Variants in MRM2 observed in about 807,000 individuals in gnomAD.
MRM2 encodes rRNA methyltransferase 2, mitochondrial.
In MRM2, 15 loss-of-function variants were observed where a neutral mutation model predicts 10.9. That is an observed-to-expected ratio of 1.37 (90% CI 0.92 to 2.11). The LOEUF is 2.11. MRM2 is among the 30% of genes most tolerant of loss of function. MRM2 has a pLI of 0.00. For synonymous variants in MRM2, 139 were observed against 128.7 expected, an observed-to-expected ratio of 1.08 and a Z score of -0.54; for missense variants, 328 against 321.3, an observed-to-expected ratio of 1.02 and a Z score of -0.16.
At chr7:2,239,313 C>T (rs1794477411) in intron 2 of MRM2, 105 bp downstream of exon 2, 1 of 1,169,624 alleles carries the variant, frequency 8.5e-7, no homozygotes, top group Non-Finnish European at 1.3e-6. Context: ...CACACGCCTT[C>T]AAAAAAGGGC....
intron 2 of MRM2, 33 bp downstream of exon 2, chr7:2,239,385 C>A (rs780816237): frequency 1.3e-6 from 2 of 1,576,694 alleles, no homozygotes; most frequent in African/African-American, 1.3e-5. Context: ...CTCAGGGGAG[C>A]CAGAAGGTGC....
chr7:2,239,201 G>A, intron 2 of MRM2: 1 of 784,804 alleles, frequency 1.3e-6, no homozygotes, highest in Admixed American at 1.7e-5. Flanking sequence ...TCTCATGCGA[G>A]GTGATTTCCA....
intron 1 of MRM2, among the ~76,000 whole-genome samples, chr7:2,241,788 C>T (rs976656326): frequency 1.3e-5 from 2 of 152,230 alleles, no homozygotes; most frequent in Admixed American, 1.3e-4. Context: ...CAAGCCGGTC[C>T]CGGGGGCCAG....
chr7:2,235,586 T>C, intron 2 of MRM2, 22 bp from the exon 3 acceptor site: 1 of 1,515,612 alleles, frequency 6.6e-7, no homozygotes. Context: ...ATGGTGAATG[T>C]GTTATTTATT....
At chr7:2,241,945 C>A in intron 1 of MRM2, 1 of 496,014 alleles carries the variant, frequency 2.0e-6, no homozygotes, top group South Asian at 3.2e-5. Flanking sequence ...CCGGCCTCCC[C>A]ACGGCCCCGC....
rs534578592 is a variant in MRM2 at position 2,234,328 on chromosome 7, G to C, written c.*794C>G. On this transcript the variant is annotated 3_prime_UTR_variant, in exon 3 of 3. Transcript: ENST00000242257. ...TTACATTTATGTTCTTGGGAGCCCA[G>C]ACACTGATATAAATTTCCAGCAAAA... 1 of 152,268 alleles carries C rather than the reference G, an allele frequency of 6.6e-6. No individual in the cohort carries two copies. Among genetic ancestry groups the C allele is most frequent in the South Asian group, 2.1e-4 (1 of 4,822 alleles). 9.4% of individuals were successfully genotyped at this position (152,268 alleles called of 1,614,324 possible). A position where few individuals can be genotyped will look rare whatever the true frequency, so the allele number is the denominator to read the frequency against.
intron 1 of MRM2, 32 bp from the exon 2 acceptor site, chr7:2,239,739 G>A (rs781584975): frequency 6.5e-5 from 104 of 1,596,194 alleles, no homozygotes; most frequent in Non-Finnish European, 8.4e-5. Context: ...AGGCAGGTTG[G>A]CATCACACAG....
chr7:2,235,432 G>T lies in MRM2; in HGVS notation c.431C>A (p.Pro144His). The part of the protein sequence containing the change: ...RTSQRILEVL[P>H]GRRADVILSD... The stretch of plus-strand genomic sequence containing the variant: ...CAGAATCACATCTGCTCTCCTGCCA[G>T]GAAGCACCTCGAGGATTCTCTGTGA... Residue 144 changes from proline to histidine, a missense_variant, in exon 3 of 3, where the codon CCT (proline) becomes CAT (histidine). Transcript: ENST00000242257. 1 of 1,614,074 alleles carries T rather than the reference G, an allele frequency of 6.2e-7. No homozygotes were observed. Among genetic ancestry groups the T allele is most frequent in the Non-Finnish European group, 8.5e-7 (1 of 1,180,028 alleles).
chr7:2,239,526 T>C lies in MRM2; in HGVS notation c.190A>G (p.Asn64Asp). Residue 64 changes from asparagine to aspartate, a missense_variant, in exon 2 of 3, where the codon AAC becomes GAC. Asn to Asp is a conservative substitution (Grantham distance 23, BLOSUM62 1). Coordinates refer to ENST00000242257, the MANE Select transcript of MRM2 (RefSeq NM_013393.3). ...CRSAFKLLEV[N>D]ERHQILRPGL... Reference sequence around the variant, plus strand: ...GGCCGCAGAATCTGGTGCCTCTCGTTCACCTCCAGGAGCTTGAAGGCGCTT... The same window carrying C: ...GGCCGCAGAATCTGGTGCCTCTCGTCCACCTCCAGGAGCTTGAAGGCGCTT... 6.2e-7 allele frequency: 1 copy of C among 1,614,038 alleles called. No individual in the cohort carries two copies. Among genetic ancestry groups the C allele is most frequent in the Non-Finnish European group, 8.5e-7 (1 of 1,180,030 alleles).
At chr7:2,239,137 G>A (rs1794474680) in intron 2 of MRM2, 1 of 778,590 alleles carries the variant, frequency 1.3e-6, no homozygotes, top group Non-Finnish European at 2.4e-6. Context: ...ATCTATGCAT[G>A]CACAAGCCTG....
chr7:2,237,915 A>T (rs1003203649), intron 2 of MRM2: 1 of 142,400 alleles, frequency 7.0e-6, no homozygotes, highest in Non-Finnish European at 1.5e-5. Flanking sequence ...AAAAAAAAAA[A>T]TGCTGTTGAA....
Position 2,239,656 on chromosome 7 carries a change from A to G in MRM2, c.60T>C (p.Val20=). ...VSFQRQGFHT[V]GSRCKNRTGA... is the part of the protein sequence containing the mutation. Reference sequence around the variant, plus strand: ...CTGTCCGATTCTTGCAGCGACTCCCAACAGTGTGGAACCCTTGACGCTGAA... The same window carrying G: ...CTGTCCGATTCTTGCAGCGACTCCCGACAGTGTGGAACCCTTGACGCTGAA... The change falls in exon 2 of 3, where the codon GTT becomes GTC. Residue 20 remains valine, a synonymous_variant. Transcript: ENST00000242257. 1.9e-6 allele frequency: 3 copies of G among 1,614,036 alleles called. No homozygotes were observed. The highest frequency in any genetic ancestry group is 2.5e-6 in the Non-Finnish European group (3 of 1,180,022).
chr7:2,238,160 T>C (rs1312278332), intron 2 of MRM2: 2 of 152,208 alleles, frequency 1.3e-5, no homozygotes, highest in African/African-American at 2.4e-5. Flanking sequence ...GGGAGAGACT[T>C]GGGAGAGCTC....
intron 1 of MRM2, among the ~76,000 whole-genome samples, chr7:2,241,487 A>G (rs1185396823): frequency 2.0e-5 from 3 of 150,522 alleles, no homozygotes. Flanking sequence ...CCTTTTTTAG[A>G]GATGGCATCT....
Position 2,239,633 on chromosome 7 carries a change from G to C in MRM2, c.83C>G (p.Thr28Arg), listed in dbSNP as rs766133599. 3 of 1,613,988 alleles carry C rather than the reference G, an allele frequency of 1.9e-6. No individual in the cohort carries two copies. The African/African-American group carries it at 4.0e-5, about 22-fold the overall frequency. Reference sequence around the variant, plus strand: ...GGTCAGCCACAGGTGCTCAGCGCCTGTCCGATTCTTGCAGCGACTCCCAAC... The same window carrying C: ...GGTCAGCCACAGGTGCTCAGCGCCTCTCCGATTCTTGCAGCGACTCCCAAC... ...HTVGSRCKNR[T>R]GAEHLWLTRH... Residue 28 changes from threonine to arginine, a missense_variant, in exon 2 of 3, where the codon ACA (threonine) becomes AGA (arginine). Physicochemically the swap from Thr to Arg is moderately conservative, Grantham distance 71 (BLOSUM62 -1). Coordinates refer to ENST00000242257, the MANE Select transcript of MRM2 (RefSeq NM_013393.3).
Position 2,241,894 on chromosome 7 carries a change from G to A in MRM2, c.8+268C>T, listed in dbSNP as rs1196357502. On this transcript the variant is annotated intron_variant, in intron 1 of 2. Transcript: ENST00000242257. ...CTCGCCCCCGGCGCCTTGGATCTGGGCCCCGGCGCTGCGCCCCCCACCTGG... is the reference window on the plus strand; with the variant it reads ...CTCGCCCCCGGCGCCTTGGATCTGGACCCCGGCGCTGCGCCCCCCACCTGG... 13 of 434,348 alleles carry A rather than the reference G, an allele frequency of 3.0e-5. No homozygotes were observed. In the East Asian group the frequency reaches 4.5e-4, roughly 15 times the overall value. The allele number at this position is 434,348 out of a possible 1,614,324, so 26.9% of individuals were successfully genotyped here.
In MRM2 at chr7:2,238,979, A is replaced by T. The variant is rs1336690151; in HGVS notation, c.298+439T>A. On this transcript the variant is annotated intron_variant, in intron 2 of 2. Transcript: ENST00000242257. ...AACAAAAATAATAACAATAATAATT[A>T]TATATATATATATATATATATATAT... is the stretch of plus-strand genomic sequence containing the variant. The T allele has an allele frequency of 4.8e-3, 32 of 6,650 alleles. No individual in the cohort carries two copies. In the African/African-American group the frequency reaches 0.18, roughly 38 times the overall value. The allele number at this position is 6,650 out of a possible 1,614,324, so 0.4% of individuals were successfully genotyped here. A position where few individuals can be genotyped will look rare whatever the true frequency, so the allele number is the denominator to read the frequency against.
At chr7:2,235,589 T>A in intron 2 of MRM2, 25 bp from the exon 3 acceptor site, 1 of 1,491,610 alleles carries the variant, frequency 6.7e-7, no homozygotes, top group Non-Finnish European at 9.2e-7. Context: ...GTGAATGTGT[T>A]ATTTATTTAC....
rs1438894298 is a variant in MRM2, at chr7:2,235,303, G to C, written c.560C>G (p.Pro187Arg). 6.2e-7 allele frequency: 1 copy of C among 1,614,144 alleles called. No individual in the cohort carries two copies. The highest frequency in any genetic ancestry group is 8.5e-7 in the Non-Finnish European group (1 of 1,180,032). ...GGTTTTACAAAGGAATGTCCCCCCAGGTTGCAGGATGTCTGGGGTCACGCT... is the reference window on the plus strand; with the variant it reads ...GGTTTTACAAAGGAATGTCCCCCCACGTTGCAGGATGTCTGGGGTCACGCT... ...LLSVTPDILQ[P>R]GGTFLCKTWA... Residue 187 changes from proline to arginine, a missense_variant, in exon 3 of 3, where the codon CCT (proline) becomes CGT (arginine). By Grantham distance (103) the Pro-to-Arg change is moderately radical. Coordinates refer to ENST00000242257, the MANE Select transcript of MRM2 (RefSeq NM_013393.3).
Sources: gnomAD v4.1 joint callset for allele counts (sites outside exome capture counted in the v4.1 genomes callset) on GRCh38, gnomAD v4.1.1 for gene constraint, MANE v1.5 for transcripts, NCBI Gene and HGNC (gene_info 2026-07-23, HGNC 2026-07-21) for gene names.